FARSA: variants seen among roughly 807,000 people sequenced by gnomAD.
FARSA encodes phenylalanyl-tRNA synthetase subunit alpha, also known as phenylalanine--tRNA ligase alpha subunit.
A neutral mutation model predicts 63.2 loss-of-function variants in FARSA; 37 were observed. That is an observed-to-expected ratio of 0.59 (90% CI 0.45 to 0.77). The LOEUF (loss-of-function observed/expected upper bound fraction) is 0.77. FARSA is among the 30% of genes least tolerant of loss of function. The pLI, the probability that FARSA is intolerant of heterozygous loss-of-function variation, is 0.00. For synonymous variants in FARSA, 312 were observed against 285.1 expected (o/e 1.09, Z -0.95); for missense variants, 618 against 696.6 (o/e 0.89, Z 1.27).
chr19:12,929,117 A>C (rs1391753509), intron 4 of FARSA, among the ~76,000 whole-genome samples: 2 of 152,152 alleles, frequency 1.3e-5, no homozygotes, highest in African/African-American at 4.8e-5. Context: ...GATACTAGGG[A>C]AAGTCTAGCA....
chr19:12,924,610 CCA>C lies in FARSA; in HGVS notation c.1195+27_1195+28del, dbSNP rs1971304062. 1 of 1,611,454 alleles carries C rather than the reference CCA, an allele frequency of 6.2e-7. No homozygotes were observed. Among genetic ancestry groups the C allele is most frequent in the African/African-American group, 1.3e-5 (1 of 74,926 alleles). ...AACACACCTGCCCGCTGCCTCACCACCATGGCCCACCCCTGCCCCCCTGCTCA... is the reference window on the plus strand; with the variant it reads ...AACACACCTGCCCGCTGCCTCACCACTGGCCCACCCCTGCCCCCCTGCTCA... On this transcript the variant is annotated intron_variant, in intron 10 of 12. Coordinates refer to ENST00000314606, the MANE Select transcript of FARSA (RefSeq NM_004461.3). The surrounding 1 kb of genome is among the most constrained non-coding windows in gnomAD (Gnocchi z 6.4).
chr19:12,928,768 C>G lies in FARSA; in HGVS notation c.583G>C (p.Glu195Gln). 6.2e-7 allele frequency: 1 copy of G among 1,614,154 alleles called. No individual in the cohort carries two copies. The highest frequency in any genetic ancestry group is 8.5e-7 in the Non-Finnish European group (1 of 1,180,024). Residue 195 changes from glutamate to glutamine, a missense_variant, in exon 5 of 13, where the codon GAG becomes CAG. By Grantham distance (29) the Glu-to-Gln change is conservative. Transcript: ENST00000314606. ...ISKQETELSP[E>Q]MISSGSWRDR... ...GTTGCCTGCTACCTGGAGATCATCT[C>G]TGGGCTCAGCTCTGTCTCTTGCTTG...
In FARSA at chr19:12,933,367, T is replaced by C. The variant is rs1971416456; in HGVS notation, c.147+183A>G. 6.1e-6 allele frequency: 4 copies of C among 655,404 alleles called. 1 individual carries two copies. In the Admixed American group the frequency reaches 9.7e-5, roughly 16 times the overall value. 40.6% of individuals were successfully genotyped at this position (655,404 alleles called of 1,614,324 possible). A position where few individuals can be genotyped will look rare whatever the true frequency, so the allele number is the denominator to read the frequency against. The stretch of plus-strand genomic sequence containing the variant: ...CGTGCCTCAATAAACGTTTATTGCA[T>C]GAGGAACATCCGTGCGTCTGGGCCC... On this transcript the variant is annotated intron_variant, in intron 1 of 12. Transcript: ENST00000314606.
intron 1 of FARSA, among the ~76,000 whole-genome samples, chr19:12,931,704 T>A (rs986853539): frequency 1.3e-5 from 2 of 152,170 alleles, no homozygotes; most frequent in African/African-American, 4.8e-5. Flanking sequence ...TGTCTCCATG[T>A]TTAAATGTTC....
intron 7 of FARSA, among the ~76,000 whole-genome samples, chr19:12,926,997 G>C (rs1250226265): frequency 6.6e-6 from 1 of 152,294 alleles, no homozygotes; most frequent in Admixed American, 6.5e-5. Context: ...CAGGTAAGCC[G>C]GCACCCAATG....
At position 12,924,402 on chromosome 19, in the gene FARSA, G is replaced by A. The variant is rs1447755316; in HGVS notation, c.1273+47C>T. On this transcript the variant is annotated intron_variant, in intron 11 of 12. Coordinates refer to ENST00000314606, the MANE Select transcript of FARSA (RefSeq NM_004461.3). This position sits in a 1 kb window ranked among gnomAD's most constrained non-coding sequence, Gnocchi z 6.4. Reference sequence around the variant, plus strand: ...ATGGGGGGACCCAGGCCAAACCATAGTAGCCTGAGACCTCCCTCCCACCCC... The same window carrying A: ...ATGGGGGGACCCAGGCCAAACCATAATAGCCTGAGACCTCCCTCCCACCCC... The A allele has an allele frequency of 1.3e-6, 2 of 1,594,598 alleles. No homozygotes were observed. The highest frequency in any genetic ancestry group is 2.2e-5 in the East Asian group (1 of 44,804).
chr19:12,927,686 C>T (rs1292039758), intron 7 of FARSA, among the ~76,000 whole-genome samples: 1 of 124,138 alleles, frequency 8.1e-6, no homozygotes, highest in African/African-American at 3.2e-5. Flanking sequence ...GAGCTGAGAT[C>T]GTGCCACTGC....
At position 12,928,093 on chromosome 19, in the gene FARSA, G is replaced by A. The variant is rs564502379; in HGVS notation, c.841+249C>T. On this transcript the variant is annotated intron_variant, in intron 7 of 12. Coordinates refer to ENST00000314606, the MANE Select transcript of FARSA (RefSeq NM_004461.3). ...GAACAGAGCTTGACACATCCAACAA[G>A]GATGGACTTTAATTTAACTCAATTA... Among the ~76,000 whole-genome samples the A allele has an allele frequency of 5.1e-4, 76 of 150,014 alleles. 1 individual carries two copies. The highest frequency in any genetic ancestry group is 1.8e-3 in the African/African-American group (75 of 40,838).
chr19:12,930,408 G>C (rs1971378363), intron 3 of FARSA, 21 bp downstream of exon 3: 1 of 1,613,178 alleles, frequency 6.2e-7, no homozygotes, highest in African/African-American at 1.3e-5. Context: ...CCTGCCCCCT[G>C]ACCAGCCCGC....
Position 12,924,598 on chromosome 19 carries a change from G to A in FARSA, c.1195+41C>T, listed in dbSNP as rs370971918. On this transcript the variant is annotated intron_variant, in intron 10 of 12. Coordinates refer to ENST00000314606, the MANE Select transcript of FARSA (RefSeq NM_004461.3). The surrounding 1 kb of genome is among the most constrained non-coding windows in gnomAD (Gnocchi z 6.4). ...ATGCTGGTGATCAACACACCTGCCC[G>A]CTGCCTCACCACCATGGCCCACCCC... 1.9e-5 allele frequency: 31 copies of A among 1,611,564 alleles called. No individual in the cohort carries two copies. The highest frequency in any genetic ancestry group is 2.7e-5 in the African/African-American group (2 of 74,890).
intron 2 of FARSA, 23 bp downstream of exon 2, chr19:12,930,589 C>T (rs1394121597): frequency 6.2e-7 from 1 of 1,607,348 alleles, no homozygotes; most frequent in African/African-American, 1.3e-5. Context: ...TCACTCACTC[C>T]CCATTCACCC....
chr19:12,932,185 C>T (rs571941218), intron 1 of FARSA, among the ~76,000 whole-genome samples: 4 of 152,012 alleles, frequency 2.6e-5, no homozygotes, highest in Middle Eastern at 3.4e-3. Context: ...CCCACCAACA[C>T]GCCTGGCTAA....
chr19:12,923,338 T>C (rs906345293), intron 12 of FARSA, among the ~76,000 whole-genome samples: 2 of 152,176 alleles, frequency 1.3e-5, no homozygotes, highest in East Asian at 3.8e-4. Context: ...CTCTGTAACC[T>C]AGGGTGGAGT....
At chr19:12,922,926 C>A (rs368446339) in intron 12 of FARSA, 40 bp from the exon 13 acceptor site, 1 of 1,613,284 alleles carries the variant, frequency 6.2e-7, no homozygotes. Flanking sequence ...GAGGTCAGCA[C>A]GTGCACCCTT....
intron 7 of FARSA, among the ~76,000 whole-genome samples, chr19:12,927,288 C>T (rs897560388): frequency 3.3e-5 from 5 of 152,186 alleles, no homozygotes; most frequent in Admixed American, 3.3e-4. Flanking sequence ...GTGTGCACGG[C>T]CTGGAATGCC....
Position 12,933,586 on chromosome 19 carries a change from C to T in FARSA, c.111G>A (p.Val37=), listed in dbSNP as rs1971419062. Residue 37 remains valine, a synonymous_variant, in exon 1 of 13, where the codon GTG becomes GTA. Transcript: ENST00000314606. ...CCTGAAGGCTCTTCACGGCGCCCAC[C>T]ACCGCCTGGTGCTCCATGCCCAGCT... ...AAELGMEHQA[V]VGAVKSLQAL... is the part of the protein sequence containing the mutation. The T allele has an allele frequency of 6.4e-7, 1 of 1,550,500 alleles. No individual in the cohort carries two copies. Among genetic ancestry groups the T allele is most frequent in the Non-Finnish European group, 8.7e-7 (1 of 1,152,518 alleles).
Position 12,924,029 on chromosome 19 carries a change from C to T in FARSA, c.1388+122G>A. ...CACGGGGCTGAGCATTCAGTTTGTACTCACGATGAAAGTTTTGTCCATTGG... is the reference window on the plus strand; with the variant it reads ...CACGGGGCTGAGCATTCAGTTTGTATTCACGATGAAAGTTTTGTCCATTGG... On this transcript the variant is annotated intron_variant, in intron 12 of 12. Transcript: ENST00000314606. The surrounding 1 kb of genome is among the most constrained non-coding windows in gnomAD (Gnocchi z 6.4). The T allele has an allele frequency of 1.3e-6, 1 of 741,976 alleles. No homozygotes were observed. Among genetic ancestry groups the T allele is most frequent in the Non-Finnish European group, 2.4e-6 (1 of 420,586 alleles). 46.0% of individuals were successfully genotyped at this position (741,976 alleles called of 1,614,324 possible). A position where few individuals can be genotyped will look rare whatever the true frequency, so the allele number is the denominator to read the frequency against.
Position 12,933,607 on chromosome 19 carries a change from C to G in FARSA, c.90G>C (p.Leu30=). Residue 30 remains leucine (L), a synonymous_variant, in exon 1 of 13, where the codon CTG becomes CTC. Transcript: ENST00000314606. ...CCACCACCGCCTGGTGCTCCATGCC[C>G]AGCTCAGCCGCCAACTCGGCGCTGT... ...GLDSAELAAE[L]GMEHQAVVGA... 6.4e-7 allele frequency: 1 copy of G among 1,555,846 alleles called. No homozygotes were observed. The highest frequency in any genetic ancestry group is 8.7e-7 in the Non-Finnish European group (1 of 1,154,902).
At chr19:12,923,190 C>T (rs1233746431) in intron 12 of FARSA, among the ~76,000 whole-genome samples, 1 of 152,178 alleles carries the variant, frequency 6.6e-6, no homozygotes, top group African/African-American at 2.4e-5. Flanking sequence ...CTAGATTTTG[C>T]TTAGGTGGCA....
Sources: gnomAD v4.1 joint callset for allele counts (sites outside exome capture counted in the v4.1 genomes callset) on GRCh38, gnomAD v4.1.1 for gene constraint, Gnocchi (gnomAD v3.1) non-coding constraint, MANE v1.5 for transcripts, NCBI Gene and HGNC (gene_info 2026-07-23, HGNC 2026-07-21) for gene names.